Variants in EN1 observed in about 807,000 individuals in gnomAD.
EN1 encodes engrailed homeobox 1, also known as homeobox protein engrailed-1.
In EN1, 8 loss-of-function variants were observed where a neutral mutation model predicts 22.9. The observed-to-expected ratio is 0.35, with a 90% confidence interval of 0.20 to 0.63. The LOEUF (loss-of-function observed/expected upper bound fraction) is 0.63, where lower values mean the gene tolerates loss of function less well. EN1 is among the 20% of genes least tolerant of loss of function. The pLI is 0.73. For missense variants in EN1, 521 were observed against 572.1 expected (o/e 0.91, Z 0.91); for synonymous variants, 287 against 262.5 (o/e 1.09, Z -0.90).
chr2:118,846,619 G>C lies in EN1; in HGVS notation c.549C>G (p.Ser183=), dbSNP rs1448849630. 1.4e-6 allele frequency: 2 copies of C among 1,459,326 alleles called. No homozygotes were observed. The highest frequency in any genetic ancestry group is 1.8e-6 in the Non-Finnish European group (2 of 1,110,334). 90.4% of individuals were successfully genotyped at this position (1,459,326 alleles called of 1,614,324 possible). ...CGCCCGCGCCGGCGGCGGCTGGCTG[G>C]GAGCCGTCGGGTGGGCCACAGTTCG... ...PDANCGPPDG[S]QPAAAGAGAS... Residue 183 remains serine (S), a synonymous_variant, in exon 1 of 2, where the codon TCC becomes TCG. Coordinates refer to ENST00000295206, the MANE Select transcript of EN1 (RefSeq NM_001426.4). This position sits in a 1 kb window ranked among gnomAD's most constrained non-coding sequence, Gnocchi z 5.0.
chr2:118,843,274 CG>C lies in EN1; in HGVS notation c.863-21del, dbSNP rs928735852. On this transcript the variant is annotated intron_variant, in intron 1 of 1. Transcript: ENST00000295206. ...GCGGACCTGCAGCGGCGGAGAGGGCCGGGGTGGGGTGGGGGTGGGGACCGAG... is the reference window on the plus strand; with the variant it reads ...GCGGACCTGCAGCGGCGGAGAGGGCCGGGTGGGGTGGGGGTGGGGACCGAG... 1 of 61,660 alleles carries C rather than the reference CG, an allele frequency of 1.6e-5. No individual in the cohort carries two copies. 3.8% of individuals were successfully genotyped at this position (61,660 alleles called of 1,614,324 possible). A position where few individuals can be genotyped will look rare whatever the true frequency, so the allele number is the denominator to read the frequency against.
intron 1 of EN1, 66 bp from the exon 2 acceptor site, chr2:118,843,320 AG>A: frequency 8.5e-7 from 1 of 1,177,586 alleles, no homozygotes; most frequent in Non-Finnish European, 1.2e-6. Flanking sequence ...GAGGGGGGAG[AG>A]GGCAAAGGAA....
Position 118,842,551 on chromosome 2 carries a change from A to C in EN1, c.*387T>G, listed in dbSNP as rs35383982. On this transcript the variant is annotated 3_prime_UTR_variant, in exon 2 of 2. Coordinates refer to ENST00000295206, the MANE Select transcript of EN1 (RefSeq NM_001426.4). ...AATTATAATAATTATAATAATTATA[A>C]CAATAATAATAAAGGAGATTAATAA... is the stretch of plus-strand genomic sequence containing the variant. The C allele has an allele frequency of 6.6e-6, 1 of 152,400 alleles. No homozygotes were observed. The highest frequency in any genetic ancestry group is 6.5e-5 in the Admixed American group (1 of 15,276). 9.4% of individuals were successfully genotyped at this position (152,400 alleles called of 1,614,324 possible).
Position 118,846,194 on chromosome 2 carries a change from G to C in EN1, c.862+112C>G, listed in dbSNP as rs1475310549. 27 of 1,469,338 alleles carry C rather than the reference G, an allele frequency of 1.8e-5. No homozygotes were observed. Among genetic ancestry groups the C allele is most frequent in the Non-Finnish European group, 2.5e-5 (27 of 1,097,958 alleles). The allele number at this position is 1,469,338 out of a possible 1,614,324, so 91.0% of individuals were successfully genotyped here. The stretch of plus-strand genomic sequence containing the variant: ...GGAACTGGGGTGAGGAAGCAGGCGT[G>C]AGAGACTGGAGTACCCGAGGCCGGG... On this transcript the variant is annotated intron_variant, in intron 1 of 1. Coordinates refer to ENST00000295206, the MANE Select transcript of EN1 (RefSeq NM_001426.4). The surrounding 1 kb of genome is among the most constrained non-coding windows in gnomAD (Gnocchi z 5.0).
rs61734176 is a variant in EN1, at chr2:118,842,780, C to T, written c.*158G>A. 11 of 1,260,970 alleles carry T rather than the reference C, an allele frequency of 8.7e-6. No individual in the cohort carries two copies. The highest frequency in any genetic ancestry group is 1.5e-5 in the African/African-American group (1 of 66,120). The allele number at this position is 1,260,970 out of a possible 1,614,324, so 78.1% of individuals were successfully genotyped here. A position where few individuals can be genotyped will look rare whatever the true frequency, so the allele number is the denominator to read the frequency against. On this transcript the variant is annotated 3_prime_UTR_variant, in exon 2 of 2. Coordinates refer to ENST00000295206, the MANE Select transcript of EN1 (RefSeq NM_001426.4). ...CCTTTTCAAAAATGCTGCGTTTCAA[C>T]GTCATTGTCCATTCTGAGGCTCTCT...
At position 118,846,926 on chromosome 2, in the gene EN1, G is replaced by T. The variant is rs1390931435; in HGVS notation, c.242C>A (p.Pro81Gln). 2.6e-6 allele frequency: 4 copies of T among 1,537,424 alleles called. No individual in the cohort carries two copies. The highest frequency in any genetic ancestry group is 3.5e-6 in the Non-Finnish European group (4 of 1,151,046). Reference sequence around the variant, plus strand: ...AGGCGCCGCGAGATGCTGAGGCGGCGGGGGCGGGGGGTGTGGGGGGAGGTG... The same window carrying T: ...AGGCGCCGCGAGATGCTGAGGCGGCTGGGGCGGGGGGTGTGGGGGGAGGTG... Reference protein sequence around the residue: ...HPHLPPHPPPPPPQHLAAPAH... With the variant: ...HPHLPPHPPPQPPQHLAAPAH... The change falls in exon 1 of 2, where the codon CCG becomes CAG. Residue 81 changes from proline (P) to glutamine (Q), a missense_variant. By Grantham distance (76) the Pro-to-Gln change is moderately conservative. Coordinates refer to ENST00000295206, the MANE Select transcript of EN1 (RefSeq NM_001426.4). This position sits in a 1 kb window ranked among gnomAD's most constrained non-coding sequence, Gnocchi z 5.0.
rs1168924892 is a variant in EN1, at chr2:118,846,776, G to T, written c.392C>A (p.Ala131Glu). Residue 131 changes from alanine to glutamate, a missense_variant, in exon 1 of 2, where the codon GCG becomes GAG. Transcript: ENST00000295206. The surrounding 1 kb of genome is among the most constrained non-coding windows in gnomAD (Gnocchi z 5.0). ...TCCTCCTCCTGCGCCTCCTCTGGCC[G>T]CCGCAGCCACCAGAAGCTGCGGTGG... The part of the protein sequence containing the change: ...QPPPQLLVAA[A>E]ARGGAGGGGR... 1.1e-5 allele frequency: 17 copies of T among 1,594,798 alleles called. No individual in the cohort carries two copies. Among genetic ancestry groups the T allele is most frequent in the Middle Eastern group, 1.7e-4 (1 of 6,024 alleles).
intron 1 of EN1, among the ~76,000 whole-genome samples, chr2:118,843,531 AC>A (rs1432284058): frequency 6.6e-6 from 1 of 152,070 alleles, no homozygotes; most frequent in African/African-American, 2.4e-5. Context: ...TTGTAGGTGC[AC>A]CCCACACCCC....
chr2:118,847,359 A>G lies in EN1; in HGVS notation c.-192T>C, dbSNP rs988393525. The G allele has an allele frequency of 5.5e-6, 2 of 366,828 alleles. No homozygotes were observed. The highest frequency in any genetic ancestry group is 9.4e-5 in the Admixed American group (2 of 21,342). The allele number at this position is 366,828 out of a possible 1,614,324, so 22.7% of individuals were successfully genotyped here. A position where few individuals can be genotyped will look rare whatever the true frequency, so the allele number is the denominator to read the frequency against. On this transcript the variant is annotated 5_prime_UTR_variant, in exon 1 of 2. Transcript: ENST00000295206. ...TGGATCGCTCGTTCTTATCTAGCAGATAGATCTCGCTGTCTCTCCCTCTCT... is the reference window on the plus strand; with the variant it reads ...TGGATCGCTCGTTCTTATCTAGCAGGTAGATCTCGCTGTCTCTCCCTCTCT...
rs377545740 is a variant in EN1 at position 118,846,397 on chromosome 2, G to A, written c.771C>T (p.Asn257=). 6.0e-5 allele frequency: 96 copies of A among 1,613,320 alleles called. No homozygotes were observed. The highest frequency in any genetic ancestry group is 7.9e-5 in the Non-Finnish European group (93 of 1,179,906). The change falls in exon 1 of 2, where the codon AAC becomes AAT. Residue 257 remains asparagine, a synonymous_variant. Coordinates refer to ENST00000295206, the MANE Select transcript of EN1 (RefSeq NM_001426.4). The surrounding 1 kb of genome is among the most constrained non-coding windows in gnomAD (Gnocchi z 5.0). ...NPAILLMGSA[N]GGPVVKTDSQ... is the part of the protein sequence containing the mutation. ...AGTCAGTTTTGACCACGGGCCCGCC[G>A]TTGGCTGAGCCCATAAGTAGGATAG...
At chr2:118,843,352 G>C in intron 1 of EN1, 98 bp from the exon 2 acceptor site, 1 of 1,070,100 alleles carries the variant, frequency 9.3e-7, no homozygotes, top group Non-Finnish European at 1.3e-6. Context: ...TAGCATTGCC[G>C]AGCTGGGCCG....
At position 118,846,745 on chromosome 2, in the gene EN1, C is replaced by T. The variant is rs760336724; in HGVS notation, c.423G>A (p.Arg141=). The change falls in exon 1 of 2, where the codon CGG becomes CGA. Residue 141 remains arginine (R), a synonymous_variant. Transcript: ENST00000295206. The surrounding 1 kb of genome is among the most constrained non-coding windows in gnomAD (Gnocchi z 5.0). Reference sequence around the variant, plus strand: ...CAGTCTGGCCTCTGTCACGCTCGACCCGGCCTCCTCCTCCTGCGCCTCCTC... The same window carrying T: ...CAGTCTGGCCTCTGTCACGCTCGACTCGGCCTCCTCCTCCTGCGCCTCCTC... ...AARGGAGGGG[R]VERDRGQTAA... The T allele has an allele frequency of 7.5e-6, 12 of 1,594,262 alleles. No homozygotes were observed. In the African/African-American group the frequency reaches 1.2e-4, roughly 16 times the overall value.
chr2:118,846,876 G>A lies in EN1; in HGVS notation c.292C>T (p.Gln98Ter). ...APAHQPQPAA[Q>*]LHRTTNFFID... ...AAAAAGTTGGTGGTGCGGTGCAGCT[G>A]GGCCGCTGGCTGCGGCTGGTGAGCA... The change falls in exon 1 of 2, where the codon CAG becomes TAG. Residue 98 changes from glutamine to a stop codon, truncating the protein, a stop_gained. Coordinates refer to ENST00000295206, the MANE Select transcript of EN1 (RefSeq NM_001426.4). LOFTEE classifies it high-confidence loss of function. The surrounding 1 kb of genome is among the most constrained non-coding windows in gnomAD (Gnocchi z 5.0). 1 of 1,579,662 alleles carries A rather than the reference G, an allele frequency of 6.3e-7. No homozygotes were observed.
In EN1 at chr2:118,847,256, G is replaced by T. The variant is rs1289687334; in HGVS notation, c.-89C>A. ...CCCACTTTGCCAGCGGCCCGTGGGG[G>T]TGCGCGGAGGAAGGAGGCAGGCGAA... On this transcript the variant is annotated 5_prime_UTR_variant, in exon 1 of 2. Coordinates refer to ENST00000295206, the MANE Select transcript of EN1 (RefSeq NM_001426.4). 1 of 439,610 alleles carries T rather than the reference G, an allele frequency of 2.3e-6. No individual in the cohort carries two copies. The highest frequency in any genetic ancestry group is 5.1e-5 in the South Asian group (1 of 19,476). 27.2% of individuals were successfully genotyped at this position (439,610 alleles called of 1,614,324 possible).
chr2:118,843,752 C>T (rs1678227854), intron 1 of EN1, among the ~76,000 whole-genome samples: 2 of 151,884 alleles, frequency 1.3e-5, no homozygotes, highest in Non-Finnish European at 2.9e-5. Flanking sequence ...AACAAATCTT[C>T]CTCTCCTCCT....
At chr2:118,844,793 A>G (rs1678243813) in intron 1 of EN1, among the ~76,000 whole-genome samples, 1 of 152,154 alleles carries the variant, frequency 6.6e-6, no homozygotes, top group Non-Finnish European at 1.5e-5. Flanking sequence ...TCCTCCCCCA[A>G]CTGCCCAAGC....
In EN1 at chr2:118,847,096, C is replaced by G; in HGVS notation, c.72G>C (p.Pro24=). Residue 24 remains proline (P), a synonymous_variant, in exon 1 of 2, where the codon CCG becomes CCC. Transcript: ENST00000295206. ...SALGAAAAAT[P]GGLSLSLSPG... Reference sequence around the variant, plus strand: ...GACTGAGGCTCAGGCTGAGGCCGCCCGGAGTCGCCGCCGCCGCCGCGCCGA... The same window carrying G: ...GACTGAGGCTCAGGCTGAGGCCGCCGGGAGTCGCCGCCGCCGCCGCGCCGA... 2 of 1,410,108 alleles carry G rather than the reference C, an allele frequency of 1.4e-6. No individual in the cohort carries two copies. The highest frequency in any genetic ancestry group is 2.8e-5 in the South Asian group (2 of 71,318). The allele number at this position is 1,410,108 out of a possible 1,614,324, so 87.3% of individuals were successfully genotyped here.
chr2:118,842,880 G>T lies in EN1; in HGVS notation c.*58C>A, dbSNP rs985593241. The T allele has an allele frequency of 3.2e-6, 5 of 1,549,250 alleles. No individual in the cohort carries two copies. Reference sequence around the variant, plus strand: ...ATGCTTTCTCCCCCAGCGAGGGGCCGGGAGACGACGGCGGCGGTGCCGGGA... The same window carrying T: ...ATGCTTTCTCCCCCAGCGAGGGGCCTGGAGACGACGGCGGCGGTGCCGGGA... On this transcript the variant is annotated 3_prime_UTR_variant, in exon 2 of 2. Transcript: ENST00000295206.
Position 118,846,708 on chromosome 2 carries a change from C to A in EN1, c.460G>T (p.Asp154Tyr). Residue 154 changes from aspartate (D) to tyrosine (Y), a missense_variant, in exon 1 of 2, where the codon GAC becomes TAC. This residue lies in a region of EN1 where 436 missense variants were observed against 410.1 expected (regional missense o/e 1.06). Transcript: ENST00000295206. This position sits in a 1 kb window ranked among gnomAD's most constrained non-coding sequence, Gnocchi z 5.0. Reference protein sequence around the residue: ...RDRGQTAAGRDPVHPLGTRAP... With the variant: ...RDRGQTAAGRYPVHPLGTRAP... The stretch of plus-strand genomic sequence containing the variant: ...CGGGTGCCCAACGGGTGGACAGGGT[C>A]TCTACCTGCGGCAGTCTGGCCTCTG... The A allele has an allele frequency of 6.3e-7, 1 of 1,591,306 alleles. No homozygotes were observed.
Sources: allele counts gnomAD v4.1 joint callset (sites outside exome capture counted in the v4.1 genomes callset), GRCh38; gene constraint gnomAD v4.1.1; regional missense constraint gnomAD v4.1.1; non-coding constraint Gnocchi (gnomAD v3.1); transcripts MANE v1.5; gene names NCBI Gene and HGNC (gene_info 2026-07-23, HGNC 2026-07-21).